Variants in ZDHHC14 observed in about 807,000 individuals in gnomAD.
The protein encoded by ZDHHC14 is zDHHC palmitoyltransferase 14.
Under a neutral mutation model 47.7 loss-of-function variants are expected in ZDHHC14, and 16 were observed. The observed-to-expected ratio is 0.34, with a 90% CI of 0.23 to 0.51. ZDHHC14 has a LOEUF of 0.51. ZDHHC14 is among the 20% of genes least tolerant of loss of function. The pLI is 0.97. For missense variants in ZDHHC14, 515 were observed against 662.5 expected (o/e 0.78, Z 2.44); for synonymous variants, 293 against 278.9 (o/e 1.05, Z -0.50).
At chr6:157,549,928 GA>G (rs1782152599) in intron 2 of ZDHHC14, among the ~76,000 whole-genome samples, 1 of 152,208 alleles carries the variant, frequency 6.6e-6, no homozygotes, top group African/African-American at 2.4e-5. Context: ...CCGTGATTTT[GA>G]AGTTGGCGAC....
intron 1 of ZDHHC14, among the ~76,000 whole-genome samples, chr6:157,518,378 G>A (rs1039659904): frequency 1.3e-4 from 16 of 125,032 alleles, no homozygotes; most frequent in Admixed American, 6.1e-4. Context: ...CTCTCCAGGG[G>A]CAATAGGGAA....
At chr6:157,456,613 G>T (rs1351074644) in intron 1 of ZDHHC14, among the ~76,000 whole-genome samples, 1 of 152,214 alleles carries the variant, frequency 6.6e-6, no homozygotes, top group African/African-American at 2.4e-5. Context: ...AGTACGAGCT[G>T]CTTCAGAGAG....
Position 157,514,763 on chromosome 6 carries a change from G to A in ZDHHC14, c.246-27822G>A, listed in dbSNP as rs113540587. On this transcript the variant is annotated intron_variant, in intron 1 of 8. Coordinates refer to ENST00000359775, the MANE Select transcript of ZDHHC14 (RefSeq NM_024630.3). ...ACCCAGCCTCTCTTCCCCGCTGGGC[G>A]GTGGGGAGTGGGTGATGTCCAAGCC... Among the ~76,000 whole-genome samples the A allele has an allele frequency of 4.6e-3, 702 of 152,322 alleles. 3 individuals carry two copies. Among genetic ancestry groups the A allele is most frequent in the African/African-American group, 0.016 (676 of 41,570 alleles).
At chr6:157,516,307 T>C (rs1780690871) in intron 1 of ZDHHC14, among the ~76,000 whole-genome samples, 1 of 152,228 alleles carries the variant, frequency 6.6e-6, no homozygotes, top group Non-Finnish European at 1.5e-5. Flanking sequence ...TGAACATCCG[T>C]ATATAGCATT....
chr6:157,626,023 A>G (rs1772515112), intron 3 of ZDHHC14, among the ~76,000 whole-genome samples: 2 of 152,196 alleles, frequency 1.3e-5, no homozygotes, highest in Admixed American at 1.3e-4. Flanking sequence ...TCGGGAAAGC[A>G]CAGTGTCACA....
intron 8 of ZDHHC14, among the ~76,000 whole-genome samples, chr6:157,670,905 A>T (rs1311198450): frequency 1.3e-5 from 2 of 152,170 alleles, no homozygotes; most frequent in Non-Finnish European, 2.9e-5. Context: ...AGGGTGGCCT[A>T]CTACTTGTGA....
chr6:157,383,051 A>AT (rs1583598589), intron 1 of ZDHHC14, among the ~76,000 whole-genome samples: 1 of 152,308 alleles, frequency 6.6e-6, no homozygotes, highest in East Asian at 1.9e-4. Context: ...ATCTGGGGGG[A>AT]TAAAAAGCGC....
At chr6:157,410,133 T>C (rs1777845674) in intron 1 of ZDHHC14, among the ~76,000 whole-genome samples, 1 of 152,198 alleles carries the variant, frequency 6.6e-6, no homozygotes, top group Non-Finnish European at 1.5e-5. Flanking sequence ...GGAGAGACGC[T>C]CACAGGCCAG....
At chr6:157,485,049 A>T (rs1779744816) in intron 1 of ZDHHC14, among the ~76,000 whole-genome samples, 1 of 152,066 alleles carries the variant, frequency 6.6e-6, no homozygotes, top group Admixed American at 6.6e-5. Context: ...ATGAGACGAG[A>T]TCGCGCCACC....
rs867702225 is a variant in ZDHHC14, at chr6:157,677,471, G to A, written c.*4349G>A. On this transcript the variant is annotated 3_prime_UTR_variant, in exon 9 of 9. Transcript: ENST00000359775. ...ATGGATTTTCACATGTAAGGTGTTAGTCCATTAATCCAGCCATTAAAAGTA... is the reference window on the plus strand; with the variant it reads ...ATGGATTTTCACATGTAAGGTGTTAATCCATTAATCCAGCCATTAAAAGTA... 1.3e-5 allele frequency: 2 copies of A among 151,856 alleles called. No homozygotes were observed. Among genetic ancestry groups the A allele is most frequent in the South Asian group, 4.1e-4 (2 of 4,822 alleles). 9.4% of individuals were successfully genotyped at this position (151,856 alleles called of 1,614,324 possible).
chr6:157,595,642 C>T (rs970870678), intron 3 of ZDHHC14, among the ~76,000 whole-genome samples: 3 of 152,158 alleles, frequency 2.0e-5, no homozygotes, highest in African/African-American at 4.8e-5. Context: ...GTATGTGTCC[C>T]TTAAAGAACC....
chr6:157,555,441 C>T (rs948654096), intron 2 of ZDHHC14, among the ~76,000 whole-genome samples: 1 of 152,208 alleles, frequency 6.6e-6, no homozygotes, highest in African/African-American at 2.4e-5. Context: ...TCAAGGAACA[C>T]AGACTTTTCA....
intron 3 of ZDHHC14, among the ~76,000 whole-genome samples, chr6:157,627,375 C>T (rs940712214): frequency 1.9e-4 from 29 of 152,172 alleles, no homozygotes; most frequent in African/African-American, 6.0e-4. Context: ...GTCATATGCC[C>T]AGCGGTGTCC....
In ZDHHC14 at chr6:157,592,962, C is replaced by G. The variant is rs200194288; in HGVS notation, c.407-26C>G. ...GGCAGAGGGAGGCTCTGAAGGTGTG[C>G]GCTCTTTCTCTTCTTTTCTCCACAG... On this transcript the variant is annotated intron_variant, in intron 2 of 8. Coordinates refer to ENST00000359775, the MANE Select transcript of ZDHHC14 (RefSeq NM_024630.3). The G allele has an allele frequency of 3.6e-4, 569 of 1,597,680 alleles. 2 individuals are homozygous for G. The highest frequency in any genetic ancestry group is 2.1e-5 in the Non-Finnish European group (25 of 1,172,784).
chr6:157,628,264 G>A, intron 3 of ZDHHC14, 85 bp from the exon 4 acceptor site: 1 of 1,372,514 alleles, frequency 7.3e-7, no homozygotes, highest in East Asian at 2.3e-5. Context: ...CAGAGTATTG[G>A]GTGGGAGGGG....
intron 1 of ZDHHC14, among the ~76,000 whole-genome samples, chr6:157,442,499 C>A (rs1778580435): frequency 6.6e-6 from 1 of 152,212 alleles, no homozygotes; most frequent in African/African-American, 2.4e-5. Flanking sequence ...ATGCAAGAAC[C>A]ATTTTCCTCC....
chr6:157,606,402 G>A (rs1784541389), intron 3 of ZDHHC14, among the ~76,000 whole-genome samples: 2 of 152,170 alleles, frequency 1.3e-5, no homozygotes. Context: ...GGAGGTGGAG[G>A]TTACAGTGAG....
intron 1 of ZDHHC14, among the ~76,000 whole-genome samples, chr6:157,467,375 T>C (rs1200404231): frequency 6.6e-6 from 1 of 152,230 alleles, no homozygotes; most frequent in East Asian, 1.9e-4. Flanking sequence ...ATTTTCTGTC[T>C]CTATAGATTT....
intron 1 of ZDHHC14, among the ~76,000 whole-genome samples, chr6:157,424,373 A>T (rs1778174002): frequency 6.6e-6 from 1 of 152,240 alleles, no homozygotes; most frequent in Non-Finnish European, 1.5e-5. Flanking sequence ...CAGCTCAAGT[A>T]AACGTTGAAT....
Sources: allele counts gnomAD v4.1 joint callset (sites outside exome capture counted in the v4.1 genomes callset), GRCh38; gene constraint gnomAD v4.1.1; transcripts MANE v1.5; gene names NCBI Gene and HGNC (gene_info 2026-07-23, HGNC 2026-07-21).